SYCP2: variants seen among roughly 807,000 people sequenced by gnomAD.
SYCP2 encodes synaptonemal complex lateral element protein.
A neutral mutation model predicts 211.3 loss-of-function variants in SYCP2; 55 were observed. That is an observed-to-expected ratio of 0.26 (90% CI 0.21 to 0.33). SYCP2 has a LOEUF of 0.33. Among genes scored for constraint, SYCP2 ranks in the 10% least tolerant of loss-of-function variants. The probability of loss-of-function intolerance (pLI) is 1.00; values close to 1 mark genes in which losing one functional copy is unlikely to be tolerated. For synonymous variants in SYCP2, 570 were observed against 555.2 expected (o/e 1.03, Z -0.37); for missense variants, 1,731 against 1,752.0 (o/e 0.99, Z 0.21).
Position 59,873,862 on chromosome 20 carries a change from C to G in SYCP2, c.3549G>C (p.Leu1183=), listed in dbSNP as rs759164493. 6.2e-7 allele frequency: 1 copy of G among 1,606,372 alleles called. No individual in the cohort carries two copies. The highest frequency in any genetic ancestry group is 1.3e-5 in the African/African-American group (1 of 74,264). Reference sequence around the variant, plus strand: ...AATATATATACATTCTCACCAAAAACAGTGGTCGTGGAATTGGTGAACAAC... The same window carrying G: ...AATATATATACATTCTCACCAAAAAGAGTGGTCGTGGAATTGGTGAACAAC... ...SESCSPIPRP[L]FLPRHTPTKS... The change falls in exon 35 of 45, where the codon CTG becomes CTC. Residue 1183 remains leucine (L), a synonymous_variant. Transcript: ENST00000357552.
At chr20:59,887,021 C>CT (rs1444262693) in intron 24 of SYCP2, among the ~76,000 whole-genome samples, 187 bp from the exon 25 acceptor site, 3 of 152,008 alleles carry the variant, frequency 2.0e-5, no homozygotes, top group Non-Finnish European at 2.9e-5. Context: ...TTTTATTATA[C>CT]TTTAAGTTCT....
At chr20:59,891,624 T>C (rs967531633) in intron 24 of SYCP2, among the ~76,000 whole-genome samples, 4 of 151,716 alleles carry the variant, frequency 2.6e-5, no homozygotes, top group East Asian at 3.9e-4. Flanking sequence ...AAACAGTCTA[T>C]GGTTACAGTC....
rs2059380025 is a variant in SYCP2, at chr20:59,867,791, A to C, written c.4045T>G (p.Trp1349Gly). The change falls in exon 39 of 45, where the codon TGG becomes GGG. Residue 1349 changes from tryptophan to glycine, a missense_variant. Physicochemically the swap from Trp to Gly is radical, Grantham distance 184. Around this residue, in one of 3 missense-constraint regions of SYCP2, gnomAD observed 1,387 missense variants for 1,351.3 expected, o/e 1.03. Transcript: ENST00000357552. ...TCTATCCCTGCAAATTCATTTTGCC[A>C]GGTCTCCCAAGGAATAGAAAAGTCA... ...TNDFSIPWET[W>G]QNEFAGIEMT... 4 of 1,608,620 alleles carry C rather than the reference A, an allele frequency of 2.5e-6. No homozygotes were observed. Among genetic ancestry groups the C allele is most frequent in the South Asian group, 1.1e-5 (1 of 90,886 alleles).
At chr20:59,915,608 G>T in intron 8 of SYCP2, 58 bp from the exon 9 acceptor site, 1 of 1,082,500 alleles carries the variant, frequency 9.2e-7, no homozygotes. Context: ...ACTATTAAGA[G>T]AAATATTCTA....
At chr20:59,899,363 G>C (rs2060071813) in intron 18 of SYCP2, among the ~76,000 whole-genome samples, 1 of 152,166 alleles carries the variant, frequency 6.6e-6, no homozygotes, top group Non-Finnish European at 1.5e-5. Context: ...CTTCAGGAAA[G>C]GTCTTGGAGA....
intron 15 of SYCP2, among the ~76,000 whole-genome samples, chr20:59,907,098 A>G (rs2060227994): frequency 6.6e-6 from 1 of 152,204 alleles, no homozygotes; most frequent in Non-Finnish European, 1.5e-5. Context: ...ATGGGATGGA[A>G]GGTCAGGAGC....
At chr20:59,867,423 T>C (rs1407101379) in intron 39 of SYCP2, among the ~76,000 whole-genome samples, 1 of 138,930 alleles carries the variant, frequency 7.2e-6, no homozygotes. Flanking sequence ...ACATAAAAAA[T>C]GTCTTGAAAA....
chr20:59,916,822 G>A (rs2060452079), intron 7 of SYCP2, among the ~76,000 whole-genome samples: 1 of 152,154 alleles, frequency 6.6e-6, no homozygotes, highest in African/African-American at 2.4e-5. Context: ...GGGAGGCTGA[G>A]GTGGGAGAAT....
chr20:59,871,756 T>G (rs1055684564), intron 35 of SYCP2, among the ~76,000 whole-genome samples: 2 of 151,986 alleles, frequency 1.3e-5, no homozygotes, highest in Non-Finnish European at 2.9e-5. Context: ...AGATTACTTA[T>G]GATACCTAAT....
At chr20:59,890,999 C>T (rs1600872956) in intron 24 of SYCP2, among the ~76,000 whole-genome samples, 2 of 151,822 alleles carry the variant, frequency 1.3e-5, no homozygotes, top group South Asian at 2.1e-4. Context: ...AAATTAGGCA[C>T]AAAAAGTGAG....
rs907125904 is a variant in SYCP2 at position 59,868,915 on chromosome 20, A to G, written c.3752T>C (p.Leu1251Ser). The G allele has an allele frequency of 5.0e-6, 8 of 1,605,956 alleles. No homozygotes were observed. Among genetic ancestry groups the G allele is most frequent in the African/African-American group, 4.0e-5 (3 of 74,352 alleles). The change falls in exon 37 of 45, where the codon TTA becomes TCA. Residue 1251 changes from leucine to serine, a missense_variant. This residue lies in a region of SYCP2 where 1,387 missense variants were observed against 1,351.3 expected (regional missense o/e 1.03). Coordinates refer to ENST00000357552, the MANE Select transcript of SYCP2 (RefSeq NM_014258.4). ...ACTAGACTTGGATAATGAAGATGCTAAATGACTTTCCTAAAATACGTATTA... is the reference window on the plus strand; with the variant it reads ...ACTAGACTTGGATAATGAAGATGCTGAATGACTTTCCTAAAATACGTATTA... ...YIQSKREESH[L>S]ASSLSKSSEG...
intron 14 of SYCP2, among the ~76,000 whole-genome samples, chr20:59,909,164 T>C (rs1051727291): frequency 6.6e-6 from 1 of 152,234 alleles, no homozygotes; most frequent in Non-Finnish European, 1.5e-5. Flanking sequence ...AAATCTCTTC[T>C]ACTTATCCTG....
At chr20:59,911,955 G>C in intron 13 of SYCP2, 110 bp from the exon 14 acceptor site, 6 of 448,362 alleles carry the variant, frequency 1.3e-5, no homozygotes, top group East Asian at 3.6e-5. Flanking sequence ...GAAGGAGAGA[G>C]AAGAGAAAGA....
Position 59,931,581 on chromosome 20 carries a change from G to A in SYCP2, c.-47+481C>T, listed in dbSNP as rs150882517. Among the ~76,000 whole-genome samples the A allele has an allele frequency of 8.7e-4, 132 of 152,280 alleles. No homozygotes were observed. In the Middle Eastern group the frequency reaches 0.02, roughly 24 times the overall value. ...GGCCAGCAACTGTTGAGGCAGGCTT[G>A]CCCATTAGCTATGCTTTATCTGTTT... is the stretch of plus-strand genomic sequence containing the variant. On this transcript the variant is annotated intron_variant, in intron 2 of 44. Transcript: ENST00000357552.
At chr20:59,913,018 G>A (rs1287429063) in intron 12 of SYCP2, among the ~76,000 whole-genome samples, 1 of 152,182 alleles carries the variant, frequency 6.6e-6, no homozygotes, top group Non-Finnish European at 1.5e-5. Flanking sequence ...TCTCCAGTAT[G>A]TCTTTATCAG....
At chr20:59,894,537 T>C (rs938946785) in intron 20 of SYCP2, among the ~76,000 whole-genome samples, 5 of 151,994 alleles carry the variant, frequency 3.3e-5, no homozygotes, top group Non-Finnish European at 7.4e-5. Flanking sequence ...ATCTTACTAT[T>C]AACACCAAGA....
Position 59,895,457 on chromosome 20 carries a change from T to C in SYCP2, c.1645A>G (p.Arg549Gly), listed in dbSNP as rs753376698. ...GTTACTTTGTCTATATTATCTCTTC[T>C]ATGTCTTCCTTCTGATGATCTAGAT... is the stretch of plus-strand genomic sequence containing the variant. ...LKSRSSEGRH[R>G]RDNIDKHIKT... The change falls in exon 20 of 45, where the codon AGA (arginine) becomes GGA (glycine). Residue 549 changes from arginine (R) to glycine (G), a missense_variant. Physicochemically the swap from Arg to Gly is moderately radical, Grantham distance 125. Coordinates refer to ENST00000357552, the MANE Select transcript of SYCP2 (RefSeq NM_014258.4). The C allele has an allele frequency of 6.2e-7, 1 of 1,610,258 alleles. No individual in the cohort carries two copies. Among genetic ancestry groups the C allele is most frequent in the Non-Finnish European group, 8.5e-7 (1 of 1,178,304 alleles).
intron 7 of SYCP2, 58 bp downstream of exon 7, chr20:59,919,100 T>A: frequency 1.1e-6 from 1 of 921,760 alleles, no homozygotes. Context: ...TGTAAAATTA[T>A]ACTAAAACTC....
chr20:59,924,281 ATTC>A lies in SYCP2; in HGVS notation c.-46-1825_-46-1823del, dbSNP rs1568987380. On this transcript the variant is annotated intron_variant, in intron 2 of 44. Coordinates refer to ENST00000357552, the MANE Select transcript of SYCP2 (RefSeq NM_014258.4). ...GCCTTATCTTAGTTCACAACTTACT[ATTC>A]TTTGTCCAATTCAGTATATAACTGA... 4.6e-5 allele frequency among the ~76,000 whole-genome samples: 7 copies of A among 152,080 alleles called. No individual in the cohort carries two copies. The South Asian group carries it at 1.5e-3, about 32-fold the overall frequency.
Sources: gnomAD v4.1 joint callset for allele counts (sites outside exome capture counted in the v4.1 genomes callset) on GRCh38, gnomAD v4.1.1 for gene constraint, gnomAD v4.1.1 regional missense constraint, MANE v1.5 for transcripts, NCBI Gene and HGNC (gene_info 2026-07-23, HGNC 2026-07-21) for gene names.